Variants in MSH3 observed in about 807,000 individuals in gnomAD.
The protein encoded by MSH3 is DNA mismatch repair protein Msh3.
In MSH3, 106 loss-of-function variants were observed where a neutral mutation model predicts 123.3. The ratio of observed to expected loss-of-function variants is 0.86; its 90% confidence interval spans 0.73 to 1.01. The LOEUF (loss-of-function observed/expected upper bound fraction) is 1.01, where lower values mean the gene tolerates loss of function less well. Ranked by LOEUF, MSH3 falls within the 50% of genes least tolerant of loss-of-function variation. The pLI is 0.00. For missense variants in MSH3, 1,459 were observed against 1,347.6 expected, an observed-to-expected ratio of 1.08 and a Z score of -1.29; for synonymous variants, 515 against 481.4, an observed-to-expected ratio of 1.07 and a Z score of -0.91.
Position 80,868,794 on chromosome 5 carries a change from A to G in MSH3, c.3130+3852A>G, listed in dbSNP as rs535394919. ...GTTTAAAAAAAAAAACAACAACTCTATAGCTTCCATGTTCGAATTTATAGT... is the reference window on the plus strand; with the variant it reads ...GTTTAAAAAAAAAAACAACAACTCTGTAGCTTCCATGTTCGAATTTATAGT... On this transcript the variant is annotated intron_variant, in intron 22 of 23. Transcript: ENST00000265081. Among the ~76,000 whole-genome samples the G allele has an allele frequency of 7.2e-5, 11 of 151,944 alleles. No individual in the cohort carries two copies. The South Asian group carries it at 8.4e-4, about 12-fold the overall frequency.
Position 80,865,502 on chromosome 5 carries a change from C to A in MSH3, c.3130+560C>A, listed in dbSNP as rs940856806. 9.9e-5 allele frequency among the ~76,000 whole-genome samples: 15 copies of A among 152,284 alleles called. No individual in the cohort carries two copies. In the South Asian group the frequency reaches 2.7e-3, roughly 27 times the overall value. ...ACTTCTTCTGCTTCTGGGTTCTCTTCTGTTCCCCTCTGCTAGAGCTGCTAT... is the reference window on the plus strand; with the variant it reads ...ACTTCTTCTGCTTCTGGGTTCTCTTATGTTCCCCTCTGCTAGAGCTGCTAT... On this transcript the variant is annotated intron_variant, in intron 22 of 23. Coordinates refer to ENST00000265081, the MANE Select transcript of MSH3 (RefSeq NM_002439.5).
At chr5:80,793,848 A>T (rs986954299) in intron 19 of MSH3, among the ~76,000 whole-genome samples, 3 of 152,208 alleles carry the variant, frequency 2.0e-5, no homozygotes, top group Non-Finnish European at 4.4e-5. Context: ...AGGGTGTTTG[A>T]GTTCCATTGT....
At chr5:80,835,118 A>G (rs954074055) in intron 20 of MSH3, among the ~76,000 whole-genome samples, 4 of 152,264 alleles carry the variant, frequency 2.6e-5, no homozygotes, top group Non-Finnish European at 4.4e-5. Context: ...TCAAAAGAGA[A>G]GAACCATTGG....
chr5:80,711,645 T>G (rs1580578617), intron 8 of MSH3, among the ~76,000 whole-genome samples: 1 of 152,260 alleles, frequency 6.6e-6, no homozygotes, highest in South Asian at 2.1e-4. Flanking sequence ...GCACATTTTC[T>G]TTTTTTCTTC....
At chr5:80,692,781 T>TA (rs200186504) in intron 8 of MSH3, among the ~76,000 whole-genome samples, 6,787 of 91,808 alleles carry the variant, frequency 0.074, 471 homozygotes, top group East Asian at 0.12. Flanking sequence ...TGTATATGTT[T>TA]GATAAATATA....
rs912148049 is a variant in MSH3 at position 80,820,026 on chromosome 5, A to G, written c.2813+6285A>G. ...TGCAATGCTAGAGAAGTGTATGTGT[A>G]TACGTGTTTATTTGCTTGCTCATTC... On this transcript the variant is annotated intron_variant, in intron 20 of 23. Coordinates refer to ENST00000265081, the MANE Select transcript of MSH3 (RefSeq NM_002439.5). Among the ~76,000 whole-genome samples the G allele has an allele frequency of 2.0e-5, 3 of 152,302 alleles. No individual in the cohort carries two copies. The East Asian group carries it at 5.8e-4, about 29-fold the overall frequency.
chr5:80,762,778 T>TTA (rs1744059815), intron 13 of MSH3, among the ~76,000 whole-genome samples: 9 of 127,964 alleles, frequency 7.0e-5, no homozygotes, highest in African/African-American at 2.1e-4. Context: ...TTATTTTAAT[T>TTA]TTTTATTTTA....
In MSH3 at chr5:80,854,292, T is replaced by A. The variant is rs754239624; in HGVS notation, c.2976T>A (p.Ala992=). 6.2e-7 allele frequency: 1 copy of A among 1,613,866 alleles called. No individual in the cohort carries two copies. Among genetic ancestry groups the A allele is most frequent in the Non-Finnish European group, 8.5e-7 (1 of 1,179,818 alleles). Residue 992 remains alanine (A), a synonymous_variant, in exon 21 of 24, where the codon GCT becomes GCA. Coordinates refer to ENST00000265081, the MANE Select transcript of MSH3 (RefSeq NM_002439.5). ...ATGATGGAATTGCCATTGCCTATGC[T>A]ACACTTGAGTATTTCATCAGAGATG... ...STHDGIAIAY[A]TLEYFIRDVK...
At chr5:80,853,342 G>A (rs1745861598) in intron 20 of MSH3, among the ~76,000 whole-genome samples, 1 of 152,094 alleles carries the variant, frequency 6.6e-6, no homozygotes, top group Admixed American at 6.5e-5. Flanking sequence ...AGGTGTGGTG[G>A]CATGCACCTG....
At chr5:80,846,067 G>A (rs1325017684) in intron 20 of MSH3, among the ~76,000 whole-genome samples, 1 of 152,140 alleles carries the variant, frequency 6.6e-6, no homozygotes, top group Non-Finnish European at 1.5e-5. Context: ...TTTGATGTTG[G>A]TGACCTACAG....
At chr5:80,823,951 G>A (rs559447717) in intron 20 of MSH3, among the ~76,000 whole-genome samples, 7 of 152,170 alleles carry the variant, frequency 4.6e-5, no homozygotes, top group South Asian at 2.1e-4. Context: ...ATCTTGCACC[G>A]CCCTTAATCC....
At chr5:80,858,849 G>A (rs1223409188) in intron 21 of MSH3, among the ~76,000 whole-genome samples, 3 of 151,978 alleles carry the variant, frequency 2.0e-5, no homozygotes, top group Non-Finnish European at 4.4e-5. Flanking sequence ...TCTCTTTGTA[G>A]TTCTATCAGC....
chr5:80,826,643 G>A (rs1745316043), intron 20 of MSH3, among the ~76,000 whole-genome samples: 1 of 150,766 alleles, frequency 6.6e-6, no homozygotes, highest in Non-Finnish European at 1.5e-5. Flanking sequence ...CTACCTCCTG[G>A]GTTCAAGCGA....
At chr5:80,747,740 C>A (rs1743748213) in intron 12 of MSH3, among the ~76,000 whole-genome samples, 1 of 152,104 alleles carries the variant, frequency 6.6e-6, no homozygotes, top group Non-Finnish European at 1.5e-5. Context: ...TTTAGACACA[C>A]AAATACTTAC....
chr5:80,846,472 C>G (rs1745723828), intron 20 of MSH3, among the ~76,000 whole-genome samples: 1 of 152,156 alleles, frequency 6.6e-6, no homozygotes, highest in African/African-American at 2.4e-5. Flanking sequence ...TCTGCAGATG[C>G]TGTCTGCTGC....
chr5:80,745,053 A>T (rs1381408481), intron 12 of MSH3, among the ~76,000 whole-genome samples: 1 of 152,234 alleles, frequency 6.6e-6, no homozygotes, highest in African/African-American at 2.4e-5. Context: ...CAGCAGTAAT[A>T]GCAAGGAGTC....
chr5:80,757,645 T>G (rs1245005028), intron 12 of MSH3, among the ~76,000 whole-genome samples: 1 of 152,174 alleles, frequency 6.6e-6, no homozygotes, highest in Non-Finnish European at 1.5e-5. Flanking sequence ...TAATTTAAGT[T>G]GTATAGTAAG....
At chr5:80,805,914 A>G (rs1253074969) in intron 19 of MSH3, among the ~76,000 whole-genome samples, 1 of 151,846 alleles carries the variant, frequency 6.6e-6, no homozygotes, top group Admixed American at 6.6e-5. Flanking sequence ...GATGACAAAA[A>G]AAGCCTTAAC....
chr5:80,727,256 T>C (rs559134260), intron 9 of MSH3, among the ~76,000 whole-genome samples: 1 of 152,354 alleles, frequency 6.6e-6, no homozygotes, highest in South Asian at 2.1e-4. Context: ...TCATGTTTTC[T>C]GGGGAAGAAA....
Sources: allele counts gnomAD v4.1 joint callset (sites outside exome capture counted in the v4.1 genomes callset), GRCh38; gene constraint gnomAD v4.1.1; transcripts MANE v1.5; gene names NCBI Gene and HGNC (gene_info 2026-07-23, HGNC 2026-07-21).